GRK5: variants seen among roughly 807,000 people sequenced by gnomAD.
GRK5 encodes the protein G protein-coupled receptor kinase 5.
In GRK5, 40 loss-of-function variants were observed where a neutral mutation model predicts 78.4. That is an observed-to-expected ratio of 0.51 (90% CI 0.40 to 0.66). The LOEUF is 0.66. Among genes scored for constraint, GRK5 ranks in the 30% least tolerant of loss-of-function variants. The pLI is 0.00. For missense variants in GRK5, 598 were observed against 759.9 expected, an observed-to-expected ratio of 0.79 and a Z score of 2.50; for synonymous variants, 289 against 296.8, an observed-to-expected ratio of 0.97 and a Z score of 0.27.
intron 3 of GRK5, among the ~76,000 whole-genome samples, chr10:119,391,255 A>G (rs1450841999): frequency 4.6e-5 from 7 of 152,246 alleles, no homozygotes; most frequent in Non-Finnish European, 1.0e-4. Flanking sequence ...CACTTTGCCC[A>G]GGCGGGCACA....
intron 2 of GRK5, 53 bp downstream of exon 2, chr10:119,326,664 C>A (rs541167969): frequency 2.1e-6 from 3 of 1,421,188 alleles, no homozygotes; most frequent in Admixed American, 1.7e-5. Context: ...GGTGATCCGC[C>A]AAGCCGTTTG....
intron 3 of GRK5, among the ~76,000 whole-genome samples, chr10:119,388,650 C>T (rs1403909881): frequency 1.3e-5 from 2 of 152,202 alleles, no homozygotes; most frequent in Non-Finnish European, 2.9e-5. Flanking sequence ...TATTAGTTCA[C>T]CTCAAAATAT....
chr10:119,285,334 T>C (rs1038758545), intron 1 of GRK5, among the ~76,000 whole-genome samples: 1 of 151,914 alleles, frequency 6.6e-6, no homozygotes, highest in Non-Finnish European at 1.5e-5. Flanking sequence ...CTGAGTACAG[T>C]GGGAGGGTGG....
At chr10:119,212,141 A>C (rs1477345466) in intron 1 of GRK5, among the ~76,000 whole-genome samples, 3 of 152,060 alleles carry the variant, frequency 2.0e-5, no homozygotes, top group Non-Finnish European at 4.4e-5. Context: ...AATGCCGTTA[A>C]ATCAAACTGC....
intron 1 of GRK5, among the ~76,000 whole-genome samples, chr10:119,311,969 A>G (rs1010951164): frequency 1.4e-5 from 2 of 139,480 alleles, no homozygotes; most frequent in Admixed American, 7.6e-5. Flanking sequence ...AGGCTGGAGT[A>G]GAGTGGCGCG....
chr10:119,317,743 T>C (rs1428231066), intron 1 of GRK5, among the ~76,000 whole-genome samples: 1 of 152,180 alleles, frequency 6.6e-6, no homozygotes, highest in African/African-American at 2.4e-5. Context: ...TCAGTCAACT[T>C]TTCCAAGCGT....
rs569445311 is a variant in GRK5, at chr10:119,383,236, T to G, written c.261+2309T>G. Among the ~76,000 whole-genome samples, 3 of 152,334 alleles carry G rather than the reference T, an allele frequency of 2.0e-5. No homozygotes were observed. In the East Asian group the frequency reaches 5.8e-4, roughly 29 times the overall value. ...GCGCCTGGCCTGGCTCCTTTATATT[T>G]CTTATACGTTGCTAGTTGGATCTAG... On this transcript the variant is annotated intron_variant, in intron 3 of 15. Coordinates refer to ENST00000392870, the MANE Select transcript of GRK5 (RefSeq NM_005308.3).
chr10:119,441,893 C>G, intron 10 of GRK5, 106 bp from the exon 11 acceptor site: 1 of 826,244 alleles, frequency 1.2e-6, no homozygotes, highest in East Asian at 2.6e-5. Flanking sequence ...TGTCCTTGGA[C>G]AGATGAGAAT....
intron 1 of GRK5, among the ~76,000 whole-genome samples, chr10:119,310,178 G>A (rs767131267): frequency 6.6e-6 from 1 of 152,196 alleles, no homozygotes; most frequent in Non-Finnish European, 1.5e-5. Context: ...TCTGGGGAGA[G>A]CGGAAGTAAT....
chr10:119,399,437 C>G (rs975154055), intron 4 of GRK5, among the ~76,000 whole-genome samples: 2 of 152,282 alleles, frequency 1.3e-5, no homozygotes, highest in African/African-American at 4.8e-5. Context: ...AGACTTTGAC[C>G]AACTGCAAAG....
At chr10:119,416,296 G>A (rs1852450528) in intron 4 of GRK5, among the ~76,000 whole-genome samples, 1 of 152,272 alleles carries the variant, frequency 6.6e-6, no homozygotes, top group African/African-American at 2.4e-5. Context: ...AGTGCCGGGA[G>A]AGCAGGTGCA....
rs370947840 is a variant in GRK5 at position 119,376,362 on chromosome 10, AC to A, written c.149-4450del. Among the ~76,000 whole-genome samples, 54 of 152,228 alleles carry A rather than the reference AC, an allele frequency of 3.5e-4. 1 individual carries two copies. The East Asian group carries it at 8.3e-3, about 23-fold the overall frequency. On this transcript the variant is annotated intron_variant, in intron 2 of 15. Coordinates refer to ENST00000392870, the MANE Select transcript of GRK5 (RefSeq NM_005308.3). ...GTATAAGATGTGTCCCTTCCCACTG[AC>A]CCACCCACATATCCCCACGTGTTGA...
chr10:119,423,073 C>T (rs1589801596), intron 4 of GRK5, 93 bp from the exon 5 acceptor site: 6 of 788,794 alleles, frequency 7.6e-6, no homozygotes, highest in African/African-American at 1.7e-5. Flanking sequence ...GCACCTGGAG[C>T]GTGGCTGGTT....
chr10:119,379,527 G>C lies in GRK5; in HGVS notation c.149-1288G>C, dbSNP rs534976857. ...CTCAAGAGAAATCCTTTCTAGGGGG[G>C]ATGGTGTCTTAGCTCCTCTACACCA... On this transcript the variant is annotated intron_variant, in intron 2 of 15. Coordinates refer to ENST00000392870, the MANE Select transcript of GRK5 (RefSeq NM_005308.3). The surrounding 1 kb of genome is among the most constrained non-coding windows in gnomAD (Gnocchi z 4.1). 1.3e-3 allele frequency among the ~76,000 whole-genome samples: 199 copies of C among 152,232 alleles called. No individual in the cohort carries two copies. The highest frequency in any genetic ancestry group is 4.2e-3 in the African/African-American group (173 of 41,534).
In GRK5 at chr10:119,229,499, G is replaced by A. The variant is rs151055885; in HGVS notation, c.52+21530G>A. On this transcript the variant is annotated intron_variant, in intron 1 of 15. Coordinates refer to ENST00000392870, the MANE Select transcript of GRK5 (RefSeq NM_005308.3). ...GACCAACTAATGAGCAGGGAGGGGT[G>A]CTTTAGCATGTGCAAAATCCGAGTC... 1.4e-3 allele frequency among the ~76,000 whole-genome samples: 215 copies of A among 152,258 alleles called. 1 individual carries two copies. The highest frequency in any genetic ancestry group is 6.8e-3 in the Middle Eastern group (2 of 294).
At chr10:119,423,111 G>A (rs111496516) in intron 4 of GRK5, 55 bp from the exon 5 acceptor site, 50 of 1,233,618 alleles carry the variant, frequency 4.1e-5, no homozygotes, top group Middle Eastern at 1.9e-4. Context: ...GGGCAAACCC[G>A]GCCGCACTGC....
chr10:119,270,122 G>A (rs1050292143), intron 1 of GRK5, among the ~76,000 whole-genome samples: 1 of 152,182 alleles, frequency 6.6e-6, no homozygotes, highest in African/African-American at 2.4e-5. Flanking sequence ...CTTCTTGGGG[G>A]CCTGTTATTT....
At position 119,230,376 on chromosome 10, in the gene GRK5, GA is replaced by G. The variant is rs565788647; in HGVS notation, c.52+22412del. ...ACCTGAGACTGGGTAATTTATGCAT[GA>G]AAAAGGGTTTAATGGACTTACAGTT... is the stretch of plus-strand genomic sequence containing the variant. On this transcript the variant is annotated intron_variant, in intron 1 of 15. Transcript: ENST00000392870. 2.7e-3 allele frequency among the ~76,000 whole-genome samples: 418 copies of G among 152,180 alleles called. 3 individuals carry two copies. The highest frequency in any genetic ancestry group is 9.7e-3 in the African/African-American group (401 of 41,504).
At chr10:119,406,376 C>A in intron 4 of GRK5, 1 of 771,598 alleles carries the variant, frequency 1.3e-6, no homozygotes, top group Non-Finnish European at 1.6e-6. Context: ...GGGTCCATGG[C>A]CCTGGTCCTG....
Sources: allele counts gnomAD v4.1 joint callset (sites outside exome capture counted in the v4.1 genomes callset), GRCh38; gene constraint gnomAD v4.1.1; non-coding constraint Gnocchi (gnomAD v3.1); transcripts MANE v1.5; gene names NCBI Gene and HGNC (gene_info 2026-07-23, HGNC 2026-07-21).